NGEF: variants seen among roughly 807,000 people sequenced by gnomAD.
The protein encoded by NGEF is ephexin-1.
A neutral mutation model predicts 80.9 loss-of-function variants in NGEF; 31 were observed. The ratio of observed to expected loss-of-function variants is 0.38; its 90% confidence interval spans 0.29 to 0.52. The LOEUF (loss-of-function observed/expected upper bound fraction) is 0.52. Ranked by LOEUF, NGEF falls within the 20% of genes least tolerant of loss-of-function variation. The probability of loss-of-function intolerance (pLI) is 0.84; values close to 1 mark genes in which losing one functional copy is unlikely to be tolerated. For missense variants in NGEF, 709 were observed against 926.2 expected (o/e 0.77, Z 3.04); for synonymous variants, 371 against 370.2 (o/e 1.00, Z -0.03).
At chr2:232,982,828 T>G (rs1694460628) in intron 1 of NGEF, among the ~76,000 whole-genome samples, 1 of 152,242 alleles carries the variant, frequency 6.6e-6, no homozygotes, top group South Asian at 2.1e-4. Context: ...TGGGCCTTTT[T>G]TCTCCCTGGA....
At chr2:232,975,103 A>T (rs1259949303) in intron 1 of NGEF, 139 bp from the exon 2 acceptor site, 9 of 565,742 alleles carry the variant, frequency 1.6e-5, no homozygotes, top group Non-Finnish European at 2.5e-5. Flanking sequence ...TTCGCCACTG[A>T]AAATTACAGC....
At chr2:232,984,290 G>A (rs547463398) in intron 1 of NGEF, among the ~76,000 whole-genome samples, 2 of 147,148 alleles carry the variant, frequency 1.4e-5, no homozygotes, top group East Asian at 2.0e-4. Context: ...TGGATGTCTT[G>A]TTATGTTACC....
intron 5 of NGEF, chr2:232,901,320 GC>G: frequency 1.0e-6 from 1 of 968,840 alleles, no homozygotes; most frequent in Non-Finnish European, 1.2e-6. Context: ...CCCACCCTCA[GC>G]AAAGCTCGAG....
chr2:233,004,204 C>T (rs1695040029), intron 1 of NGEF, among the ~76,000 whole-genome samples: 1 of 152,112 alleles, frequency 6.6e-6, no homozygotes, highest in Non-Finnish European at 1.5e-5. Context: ...AGGAACTCTC[C>T]AGCAGCCCCT....
At chr2:232,973,559 C>T (rs910625785) in intron 2 of NGEF, among the ~76,000 whole-genome samples, 2 of 152,224 alleles carry the variant, frequency 1.3e-5, no homozygotes, top group Non-Finnish European at 2.9e-5. Flanking sequence ...AGCTTCTGCT[C>T]TTGCTCTCTC....
chr2:233,009,289 T>C (rs1046044447), intron 1 of NGEF, among the ~76,000 whole-genome samples: 2 of 152,212 alleles, frequency 1.3e-5, no homozygotes, highest in African/African-American at 4.8e-5. Flanking sequence ...TGTCTTTCTA[T>C]GCTTGGTTTA....
chr2:232,888,202 C>T (rs1264078622), intron 8 of NGEF, 95 bp from the exon 9 acceptor site: 1 of 844,740 alleles, frequency 1.2e-6, no homozygotes. Context: ...CTGCACCAGT[C>T]CAGCCCCATG....
chr2:232,917,643 G>C (rs1036286455), intron 5 of NGEF, among the ~76,000 whole-genome samples: 5 of 151,506 alleles, frequency 3.3e-5, no homozygotes, highest in African/African-American at 1.2e-4. Flanking sequence ...CTAATTTTTT[G>C]TATTTTTAGT....
intron 1 of NGEF, among the ~76,000 whole-genome samples, chr2:232,995,572 A>ATATATATATACAGTATGTATACTG (rs1317282536): frequency 0.22 from 245 of 1,126 alleles, 116 homozygotes; most frequent in Non-Finnish European, 0.37. Context: ...TGTATACTGT[A>ATATATATATACAGTATGTATACTG]TATATATATA....
rs181756393 is a variant in NGEF at position 232,998,999 on chromosome 2, A to C, written c.-75+14069T>G. Among the ~76,000 whole-genome samples, 13 of 152,344 alleles carry C rather than the reference A, an allele frequency of 8.5e-5. 1 individual carries two copies. The highest frequency in any genetic ancestry group is 4.1e-4 in the South Asian group (2 of 4,828). ...TGTGCTAGGCCTCTGGTCATGAGAC[A>C]GACAGGGTCTCCTGGTTTGGGACCC... On this transcript the variant is annotated intron_variant, in intron 1 of 14. Transcript: ENST00000264051.
In NGEF at chr2:232,983,416, C is replaced by A. The variant is rs147081539; in HGVS notation, c.-74-8452G>T. Among the ~76,000 whole-genome samples, 64 of 151,896 alleles carry A rather than the reference C, an allele frequency of 4.2e-4. 2 individuals carry two copies. Among genetic ancestry groups the A allele is most frequent in the African/African-American group, 1.5e-3 (61 of 41,366 alleles). Reference sequence around the variant, plus strand: ...GAAGGCAGAAAGCAGCAGTTTGGTGCCTGAGGGGTGAATGGAGACCCTCCT... The same window carrying A: ...GAAGGCAGAAAGCAGCAGTTTGGTGACTGAGGGGTGAATGGAGACCCTCCT... On this transcript the variant is annotated intron_variant, in intron 1 of 14. Coordinates refer to ENST00000264051, the MANE Select transcript of NGEF (RefSeq NM_019850.3).
At chr2:232,937,019 G>C (rs1238663198) in intron 3 of NGEF, among the ~76,000 whole-genome samples, 1 of 152,044 alleles carries the variant, frequency 6.6e-6, no homozygotes, top group Non-Finnish European at 1.5e-5. Flanking sequence ...GCCCAGGCTG[G>C]AGTGCAATGG....
chr2:232,984,843 A>G (rs978083992), intron 1 of NGEF, among the ~76,000 whole-genome samples: 4 of 152,380 alleles, frequency 2.6e-5, no homozygotes, highest in Admixed American at 2.6e-4. Flanking sequence ...CAGCTCTTCA[A>G]GGAACCAAAG....
chr2:232,960,854 GACA>G (rs562247262), intron 3 of NGEF, among the ~76,000 whole-genome samples: 337 of 152,330 alleles, frequency 2.2e-3, no homozygotes, highest in South Asian at 0.017. Flanking sequence ...CTCCAGCCTG[GACA>G]ACAAGAGCAA....
chr2:232,978,824 G>A (rs1004079442), intron 1 of NGEF, among the ~76,000 whole-genome samples: 1 of 152,196 alleles, frequency 6.6e-6, no homozygotes, highest in African/African-American at 2.4e-5. Flanking sequence ...TCGACCTCAT[G>A]GGCTCAAGCC....
intron 1 of NGEF, among the ~76,000 whole-genome samples, chr2:233,012,277 CTG>C (rs1049507232): frequency 6.6e-6 from 1 of 152,254 alleles, no homozygotes; most frequent in African/African-American, 2.4e-5. Flanking sequence ...CAGCCAGAGA[CTG>C]TGTGACTGTC....
At chr2:232,897,918 G>A (rs761856216) in intron 5 of NGEF, among the ~76,000 whole-genome samples, 76 of 152,138 alleles carry the variant, frequency 5.0e-4, no homozygotes, top group Admixed American at 1.2e-3. Context: ...TCCCCACGTC[G>A]CATCTGCCTC....
chr2:233,006,608 G>A (rs551710697), intron 1 of NGEF, among the ~76,000 whole-genome samples: 1 of 152,170 alleles, frequency 6.6e-6, no homozygotes, highest in Non-Finnish European at 1.5e-5. Context: ...ACTAATAAAT[G>A]CTGCTGAAAG....
At chr2:232,899,997 C>CAT (rs1559199302) in intron 5 of NGEF, among the ~76,000 whole-genome samples, 2 of 137,580 alleles carry the variant, frequency 1.5e-5, no homozygotes, top group East Asian at 2.2e-4. Flanking sequence ...CACTCACACA[C>CAT]GCTCTCACAG....
Sources: allele counts gnomAD v4.1 joint callset (sites outside exome capture counted in the v4.1 genomes callset), GRCh38; gene constraint gnomAD v4.1.1; transcripts MANE v1.5; gene names NCBI Gene and HGNC (gene_info 2026-07-23, HGNC 2026-07-21).